Variants in RAB3GAP2 observed in about 807,000 individuals in gnomAD.
RAB3GAP2 encodes rab3 GTPase-activating protein non-catalytic subunit.
In RAB3GAP2, 87 loss-of-function variants were observed where a neutral mutation model predicts 185.3. The observed-to-expected ratio is 0.47, with a 90% CI of 0.39 to 0.56. The LOEUF is 0.56. Ranked by LOEUF, RAB3GAP2 falls within the 20% of genes least tolerant of loss-of-function variation. The pLI, the probability that RAB3GAP2 is intolerant of heterozygous loss-of-function variation, is 0.00. For missense variants in RAB3GAP2, 1,492 were observed against 1,638.2 expected, an observed-to-expected ratio of 0.91 and a Z score of 1.54; for synonymous variants, 554 against 576.1, an observed-to-expected ratio of 0.96 and a Z score of 0.55.
chr1:220,215,945 T>A (rs1659193189), intron 2 of RAB3GAP2, among the ~76,000 whole-genome samples: 1 of 152,158 alleles, frequency 6.6e-6, no homozygotes, highest in Admixed American at 6.5e-5. Context: ...ATTATAAAAT[T>A]TAAAAGATTT....
chr1:220,253,845 T>C, intron 1 of RAB3GAP2: 2 of 1,612,554 alleles, frequency 1.2e-6, no homozygotes, highest in African/African-American at 1.3e-5. Context: ...TGAGAGGGGC[T>C]GCCCCAGGAA....
At chr1:220,184,598 T>C (rs189609678) in intron 18 of RAB3GAP2, among the ~76,000 whole-genome samples, 36 of 152,270 alleles carry the variant, frequency 2.4e-4, no homozygotes, top group African/African-American at 8.4e-4. Flanking sequence ...TGGAATATTG[T>C]TCAAGTTCTT....
rs1658425514 is a variant in RAB3GAP2, at chr1:220,182,324, C to T, written c.2243G>A (p.Gly748Glu). The T allele has an allele frequency of 6.2e-7, 1 of 1,614,014 alleles. No individual in the cohort carries two copies. The highest frequency in any genetic ancestry group is 8.5e-7 in the Non-Finnish European group (1 of 1,179,966). The change falls in exon 21 of 35, where the codon GGA becomes GAA. Residue 748 changes from glycine to glutamate, a missense_variant. This residue lies in a region of RAB3GAP2 where 681 missense variants were observed against 689.1 expected (regional missense o/e 0.99). Coordinates refer to ENST00000358951, the MANE Select transcript of RAB3GAP2 (RefSeq NM_012414.4). ...ACACATATCCTCAGTGGAGCTTTCT[C>T]CATGCAAACACTTCCAAAAAAAGAA... Reference protein sequence around the residue: ...GSFFFWKCLHGESSTEDMCHT... With the variant: ...GSFFFWKCLHEESSTEDMCHT...
At chr1:220,211,445 G>A (rs906263542) in intron 4 of RAB3GAP2, 67 of 455,044 alleles carry the variant, frequency 1.5e-4, no homozygotes, top group Middle Eastern at 6.5e-4. Flanking sequence ...TGCCAGTCAC[G>A]TTACATGCAA....
At chr1:220,166,323 T>G in intron 26 of RAB3GAP2, among the ~76,000 whole-genome samples, 1 of 152,178 alleles carries the variant, frequency 6.6e-6, no homozygotes, top group East Asian at 1.9e-4. Flanking sequence ...TCTGTGAGAG[T>G]TCTCTACAAT....
At chr1:220,188,702 G>C (rs547888953) in intron 17 of RAB3GAP2, among the ~76,000 whole-genome samples, 10 of 152,296 alleles carry the variant, frequency 6.6e-5, no homozygotes, top group Non-Finnish European at 1.5e-4. Flanking sequence ...AAACGCCAGA[G>C]AGACTCTTGC....
At chr1:220,184,653 G>A (rs1658476443) in intron 18 of RAB3GAP2, among the ~76,000 whole-genome samples, 1 of 152,060 alleles carries the variant, frequency 6.6e-6, no homozygotes, top group Non-Finnish European at 1.5e-5. Flanking sequence ...AAAGTTTTTA[G>A]GAATCTTATG....
intron 1 of RAB3GAP2, among the ~76,000 whole-genome samples, chr1:220,252,526 G>A (rs985229778): frequency 6.6e-6 from 1 of 152,322 alleles, no homozygotes; most frequent in East Asian, 1.9e-4. Flanking sequence ...TGGACAAACA[G>A]CTTGACCCAA....
chr1:220,163,025 T>C (rs1044680006), intron 27 of RAB3GAP2, among the ~76,000 whole-genome samples: 1 of 152,168 alleles, frequency 6.6e-6, no homozygotes, highest in African/African-American at 2.4e-5. Context: ...ATGGCTATAG[T>C]CGCACTCGGA....
Position 220,151,296 on chromosome 1 carries a change from T to G in RAB3GAP2, c.4137A>C (p.Leu1379Phe), listed in dbSNP as rs1366465984. 5 of 1,614,104 alleles carry G rather than the reference T, an allele frequency of 3.1e-6. No homozygotes were observed. In the South Asian group the frequency reaches 5.5e-5, roughly 18 times the overall value. Residue 1379 changes from leucine to phenylalanine, a missense_variant, in exon 35 of 35, where the codon TTA (leucine) becomes TTC (phenylalanine). Leu to Phe is a conservative substitution (Grantham distance 22). Transcript: ENST00000358951. ...TGGCTTCCACAGCTTCAATGAGGTG[T>G]AAGGCTAGACCATATTGCCCATGTT... Reference protein sequence around the residue: ...PEKHGQYGLALHLIEAVEAIS... With the variant: ...PEKHGQYGLAFHLIEAVEAIS...
intron 28 of RAB3GAP2, among the ~76,000 whole-genome samples, chr1:220,160,820 A>G (rs941483254): frequency 1.3e-5 from 2 of 151,968 alleles, no homozygotes; most frequent in African/African-American, 2.4e-5. Context: ...AACACTCCCT[A>G]TTGTCTGTTT....
rs193047828 is a variant in RAB3GAP2, at chr1:220,235,936, A to G, written c.116-3073T>C. 9.0e-4 allele frequency among the ~76,000 whole-genome samples: 137 copies of G among 152,350 alleles called. 2 individuals carry two copies. The East Asian group carries it at 0.022, about 25-fold the overall frequency. ...TGGAAAGCTTCTTTCAACAAAAAGG[A>G]AAGAGAATTTAATTGGGCATCTTCT... On this transcript the variant is annotated intron_variant, in intron 1 of 34. Coordinates refer to ENST00000358951, the MANE Select transcript of RAB3GAP2 (RefSeq NM_012414.4).
At chr1:220,205,522 T>A (rs1658947935) in intron 8 of RAB3GAP2, among the ~76,000 whole-genome samples, 1 of 152,146 alleles carries the variant, frequency 6.6e-6, no homozygotes, top group African/African-American at 2.4e-5. Context: ...CAGCTGCTGA[T>A]CTAGTGAAAA....
At position 220,170,846 on chromosome 1, in the gene RAB3GAP2, T is replaced by C. The variant is rs111564411; in HGVS notation, c.2806+46A>G. On this transcript the variant is annotated intron_variant, in intron 24 of 34. Transcript: ENST00000358951. ...TCATTTCTATTAAAAGAAACCCTCG[T>C]AACATAAAAAAATGGATGCAAATGC... The C allele has an allele frequency of 8.2e-5, 122 of 1,484,532 alleles. No individual in the cohort carries two copies. In the African/African-American group the frequency reaches 1.4e-3, roughly 17 times the overall value. 92.0% of individuals were successfully genotyped at this position (1,484,532 alleles called of 1,614,324 possible).
Position 220,185,730 on chromosome 1 carries a change from G to T in RAB3GAP2, c.1791C>A (p.Ser597Arg). The change falls in exon 18 of 35, where the codon AGC (serine) becomes AGA (arginine). Residue 597 changes from serine to arginine, a missense_variant. Physicochemically the swap from Ser to Arg is moderately radical, Grantham distance 110 (BLOSUM62 -1). Transcript: ENST00000358951. ...ATGGTAAACGTTCACTTGCCAAAAT[G>T]CTTTCCAAAGCCTAGGAGAAAGATA... is the stretch of plus-strand genomic sequence containing the variant. ...YPATKKQALESILASERLPFS... is the reference protein window; with the variant it reads ...YPATKKQALERILASERLPFS... The T allele has an allele frequency of 6.2e-7, 1 of 1,610,854 alleles. No homozygotes were observed. The highest frequency in any genetic ancestry group is 8.5e-7 in the Non-Finnish European group (1 of 1,177,462).
intron 1 of RAB3GAP2, among the ~76,000 whole-genome samples, chr1:220,245,314 C>A (rs1476349924): frequency 6.6e-6 from 1 of 152,272 alleles, no homozygotes; most frequent in African/African-American, 2.4e-5. Context: ...GGTGCGCGCA[C>A]CATGCGCGAG....
rs1350634795 is a variant in RAB3GAP2 at position 220,158,606 on chromosome 1, A to T, written c.3262-730T>A. Among the ~76,000 whole-genome samples, 7 of 152,024 alleles carry T rather than the reference A, an allele frequency of 4.6e-5. No individual in the cohort carries two copies. The highest frequency in any genetic ancestry group is 1.7e-4 in the African/African-American group (7 of 41,444). On this transcript the variant is annotated intron_variant, in intron 29 of 34. Transcript: ENST00000358951. The surrounding 1 kb of genome is among the most constrained non-coding windows in gnomAD (Gnocchi z 4.3). ...CAGGCGCCCACCACCATGCCTGGCT[A>T]GTTTTTCTATTTTTAGTAGAGATGG... is the stretch of plus-strand genomic sequence containing the variant.
At chr1:220,270,604 G>A (rs1452008533) in intron 1 of RAB3GAP2, among the ~76,000 whole-genome samples, 1 of 152,202 alleles carries the variant, frequency 6.6e-6, no homozygotes, top group Non-Finnish European at 1.5e-5. Context: ...AGGTCCTGCA[G>A]ATTCTAACTC....
Position 220,203,976 on chromosome 1 carries a change from T to C in RAB3GAP2, c.713-1602A>G, listed in dbSNP as rs1658910376. ...GTTAAAATATGGAAAAGAAAAGTCT[T>C]ATAATCAGTGAAAATATGAGTAGTG... On this transcript the variant is annotated intron_variant, in intron 8 of 34. Coordinates refer to ENST00000358951, the MANE Select transcript of RAB3GAP2 (RefSeq NM_012414.4). Among the ~76,000 whole-genome samples the C allele has an allele frequency of 1.3e-5, 2 of 152,300 alleles. 1 individual carries two copies. Among genetic ancestry groups the C allele is most frequent in the South Asian group, 4.1e-4 (2 of 4,826 alleles).
Sources: allele counts gnomAD v4.1 joint callset (sites outside exome capture counted in the v4.1 genomes callset), GRCh38; gene constraint gnomAD v4.1.1; regional missense constraint gnomAD v4.1.1; non-coding constraint Gnocchi (gnomAD v3.1); transcripts MANE v1.5; gene names NCBI Gene and HGNC (gene_info 2026-07-23, HGNC 2026-07-21).